The following LOXL3 variants were observed in gnomAD, a reference collection of about 807,000 sequenced individuals.
The protein encoded by LOXL3 is lysyl oxidase homolog 3.
A neutral mutation model predicts 91.8 loss-of-function variants in LOXL3; 60 were observed. The ratio of observed to expected loss-of-function variants is 0.65; its 90% CI spans 0.53 to 0.81. The LOEUF is 0.81. Ranked by LOEUF, LOXL3 falls within the 30% of genes least tolerant of loss-of-function variation. LOXL3 has a pLI of 0.00. For missense variants in LOXL3, 874 were observed against 1,000.4 expected, an observed-to-expected ratio of 0.87 and a Z score of 1.70; for synonymous variants, 355 against 387.6, an observed-to-expected ratio of 0.92 and a Z score of 0.99.
intron 4 of LOXL3, among the ~76,000 whole-genome samples, chr2:74,538,357 A>C (rs888886233): frequency 3.9e-5 from 6 of 152,168 alleles, no homozygotes; most frequent in African/African-American, 1.4e-4. Flanking sequence ...CTTTGAAACC[A>C]CCAGAGAAGC....
chr2:74,554,902 A>T, upstream of LOXL3: 3 of 1,578,010 alleles, frequency 1.9e-6, no homozygotes, highest in Non-Finnish European at 2.6e-6. The surrounding 1 kb of genome is among the most constrained non-coding windows in gnomAD (Gnocchi z 4.9). Context: ...AGCGGGCTGG[A>T]GAGCGGCGCC....
intron 4 of LOXL3, among the ~76,000 whole-genome samples, chr2:74,541,988 C>T (rs1162062762): frequency 6.6e-6 from 1 of 151,766 alleles, no homozygotes; most frequent in Admixed American, 6.6e-5. Context: ...TTCCTTCAGC[C>T]ATCAAACATA....
At chr2:74,543,076 A>G (rs1219119819) in intron 4 of LOXL3, among the ~76,000 whole-genome samples, 1 of 152,216 alleles carries the variant, frequency 6.6e-6, no homozygotes, top group African/African-American at 2.4e-5. Context: ...CTTGGCTGCT[A>G]TAACACTACA....
At position 74,535,059 on chromosome 2, in the gene LOXL3, A is replaced by G. The variant is rs897659623; in HGVS notation, c.1579+233T>C. Reference sequence around the variant, plus strand: ...GCGCCTGGCTAATTTTTGTAGTTTTAGTAGAGACAGGGTTTCACCATCTTG... The same window carrying G: ...GCGCCTGGCTAATTTTTGTAGTTTTGGTAGAGACAGGGTTTCACCATCTTG... On this transcript the variant is annotated intron_variant, in intron 9 of 13. Coordinates refer to ENST00000264094, the MANE Select transcript of LOXL3 (RefSeq NM_032603.5). This position sits in a 1 kb window ranked among gnomAD's most constrained non-coding sequence, Gnocchi z 4.2. 6.6e-6 allele frequency among the ~76,000 whole-genome samples: 1 copy of G among 152,092 alleles called. No homozygotes were observed. The highest frequency in any genetic ancestry group is 1.5e-5 in the Non-Finnish European group (1 of 68,020).
chr2:74,549,314 C>A lies in LOXL3; in HGVS notation c.692+55G>T, dbSNP rs1676833200. ...TGCTCAGATGTCTCCCAAGGCTATT[C>A]ATCAGGGAGCACCCCAATCCCGGCC... is the stretch of plus-strand genomic sequence containing the variant. On this transcript the variant is annotated intron_variant, in intron 4 of 13. Transcript: ENST00000264094. This position sits in a 1 kb window ranked among gnomAD's most constrained non-coding sequence, Gnocchi z 5.3. The A allele has an allele frequency of 6.0e-6, 9 of 1,503,350 alleles. No individual in the cohort carries two copies. The East Asian group carries it at 2.0e-4, about 33-fold the overall frequency. The allele number at this position is 1,503,350 out of a possible 1,614,324, so 93.1% of individuals were successfully genotyped here.
chr2:74,544,037 C>T (rs893080063), intron 4 of LOXL3, among the ~76,000 whole-genome samples: 4 of 151,940 alleles, frequency 2.6e-5, no homozygotes, highest in African/African-American at 7.3e-5. Flanking sequence ...GGCACGGTGG[C>T]TCAAGCCTGT....
chr2:74,550,364 T>G lies in LOXL3; in HGVS notation c.314-16A>C. The G allele has an allele frequency of 6.2e-7, 1 of 1,610,480 alleles. No individual in the cohort carries two copies. Among genetic ancestry groups the G allele is most frequent in the Non-Finnish European group, 8.5e-7 (1 of 1,178,062 alleles). On this transcript the variant is annotated splice_polypyrimidine_tract_variant and intron_variant, in intron 2 of 13. Coordinates refer to ENST00000264094, the MANE Select transcript of LOXL3 (RefSeq NM_032603.5). The stretch of plus-strand genomic sequence containing the variant: ...CAGATGCGGCCTGTGGAAGGGGAGA[T>G]GAAGGGACAGAGAAGCTTGGGGAGG...
rs1675946030 is a variant in LOXL3 at position 74,535,283 on chromosome 2, TTCAC to T, written c.1579+5_1579+8del. 1.2e-6 allele frequency: 2 copies of T among 1,606,672 alleles called. No homozygotes were observed. The highest frequency in any genetic ancestry group is 1.1e-5 in the South Asian group (1 of 90,708). The stretch of plus-strand genomic sequence containing the variant: ...TTCCCTGGCATGCATCACCCCCTCC[TTCAC>T]TCACTCTCAGAACAGATGACTCCAG... On this transcript the variant is annotated splice_donor_5th_base_variant and intron_variant, in intron 9 of 13. Coordinates refer to ENST00000264094, the MANE Select transcript of LOXL3 (RefSeq NM_032603.5). The surrounding 1 kb of genome is among the most constrained non-coding windows in gnomAD (Gnocchi z 4.2).
At chr2:74,542,171 T>C (rs1676361630) in intron 4 of LOXL3, among the ~76,000 whole-genome samples, 2 of 151,914 alleles carry the variant, frequency 1.3e-5, no homozygotes, top group South Asian at 4.2e-4. Context: ...CTCGAGCCTG[T>C]AGTTCCAGCT....
intron 9 of LOXL3, 66 bp from the exon 10 acceptor site, chr2:74,534,840 C>T: frequency 1.3e-6 from 2 of 1,555,280 alleles, no homozygotes; most frequent in Non-Finnish European, 8.8e-7. Context: ...GTGCTTCCAT[C>T]CCTCCCTAGT....
upstream of LOXL3, chr2:74,555,456 G>A (rs1193473601): frequency 6.2e-7 from 1 of 1,608,476 alleles, no homozygotes; most frequent in Admixed American, 1.7e-5. This position sits in a 1 kb window ranked among gnomAD's most constrained non-coding sequence, Gnocchi z 6.1. Flanking sequence ...CCTTTCCGGT[G>A]AGGAGCTGCG....
Position 74,535,407 on chromosome 2 carries a change from A to G in LOXL3, c.1464T>C (p.Ser488=), listed in dbSNP as rs770890496. 4 of 1,613,802 alleles carry G rather than the reference A, an allele frequency of 2.5e-6. No individual in the cohort carries two copies. In the East Asian group the frequency reaches 6.7e-5, roughly 27 times the overall value. The part of the protein sequence containing the change: ...DSGNITEVVM[S]GVRCTGTELS... ...GCTCAGTCCCTGTGCAGCGCACTCC[A>G]CTCATCACCACCTCTGTTATATTCC... Residue 488 remains serine (S), a synonymous_variant, in exon 9 of 14, where the codon AGT becomes AGC. Transcript: ENST00000264094. The surrounding 1 kb of genome is among the most constrained non-coding windows in gnomAD (Gnocchi z 4.2).
At position 74,549,734 on chromosome 2, in the gene LOXL3, A is replaced by C. The variant is rs1676873743; in HGVS notation, c.478-151T>G. On this transcript the variant is annotated intron_variant, in intron 3 of 13. Coordinates refer to ENST00000264094, the MANE Select transcript of LOXL3 (RefSeq NM_032603.5). The surrounding 1 kb of genome is among the most constrained non-coding windows in gnomAD (Gnocchi z 5.3). ...CTGAGAGAGCGGCCACGATGGCCGC[A>C]GTCCGCGGTGTGGACTCTCTTGCAG... 1 of 1,442,524 alleles carries C rather than the reference A, an allele frequency of 6.9e-7. No individual in the cohort carries two copies. Among genetic ancestry groups the C allele is most frequent in the African/African-American group, 1.4e-5 (1 of 69,652 alleles). The allele number at this position is 1,442,524 out of a possible 1,614,324, so 89.4% of individuals were successfully genotyped here.
At chr2:74,548,167 A>AT (rs988729988) in intron 4 of LOXL3, among the ~76,000 whole-genome samples, 3 of 152,274 alleles carry the variant, frequency 2.0e-5, no homozygotes, top group Non-Finnish European at 4.4e-5. Flanking sequence ...CAAAGCTGCC[A>AT]TGTCTGTTCA....
intron 4 of LOXL3, among the ~76,000 whole-genome samples, chr2:74,538,575 G>C (rs937911027): frequency 2.0e-5 from 3 of 152,202 alleles, no homozygotes; most frequent in Admixed American, 6.5e-5. Context: ...AGCCCAGGAG[G>C]AAAATTAGGG....
chr2:74,544,538 T>G (rs1676498556), intron 4 of LOXL3, among the ~76,000 whole-genome samples: 1 of 152,204 alleles, frequency 6.6e-6, no homozygotes, highest in Non-Finnish European at 1.5e-5. Context: ...GAGTGACTTC[T>G]TAAATAGCAC....
chr2:74,543,158 G>T (rs780435399), intron 4 of LOXL3, among the ~76,000 whole-genome samples: 3 of 152,146 alleles, frequency 2.0e-5, no homozygotes, highest in Non-Finnish European at 4.4e-5. Flanking sequence ...AGGGAGCAGG[G>T]CTGACTCCTA....
chr2:74,532,967 C>T lies in LOXL3; in HGVS notation c.*639G>A. ...GAGAAACACTGACCTTATATGTGAC[C>T]CCTGAGGTCACAGAATGAATAGATC... On this transcript the variant is annotated 3_prime_UTR_variant, in exon 14 of 14. Transcript: ENST00000264094. 6.2e-7 allele frequency: 1 copy of T among 1,613,592 alleles called. No homozygotes were observed. The highest frequency in any genetic ancestry group is 8.5e-7 in the Non-Finnish European group (1 of 1,179,860).
At position 74,532,798 on chromosome 2, in the gene LOXL3, C is replaced by G; in HGVS notation, c.*808G>C. ...CTAGGCTTTGTACTCCTTCCTTTCTCTCTGTCCATTTTTCTCTATAGGGCT... is the reference window on the plus strand; with the variant it reads ...CTAGGCTTTGTACTCCTTCCTTTCTGTCTGTCCATTTTTCTCTATAGGGCT... On this transcript the variant is annotated 3_prime_UTR_variant, in exon 14 of 14. Transcript: ENST00000264094. The G allele has an allele frequency of 1.2e-6, 2 of 1,614,112 alleles. No individual in the cohort carries two copies. The highest frequency in any genetic ancestry group is 1.7e-6 in the Non-Finnish European group (2 of 1,180,014).
Sources: allele counts gnomAD v4.1 joint callset (sites outside exome capture counted in the v4.1 genomes callset), GRCh38; gene constraint gnomAD v4.1.1; non-coding constraint Gnocchi (gnomAD v3.1); transcripts MANE v1.5; gene names NCBI Gene and HGNC (gene_info 2026-07-23, HGNC 2026-07-21).